The following ZMYND19 variants were observed in gnomAD, a reference collection of about 807,000 sequenced individuals.
The protein encoded by ZMYND19 is zinc finger MYND domain-containing protein 19.
In ZMYND19, 17 loss-of-function variants were observed where a neutral mutation model predicts 32.0. That is an observed-to-expected ratio of 0.53 (90% CI 0.36 to 0.80). The LOEUF is 0.80. ZMYND19 is among the 30% of genes least tolerant of loss of function. ZMYND19 has a pLI of 0.00. For missense variants in ZMYND19, 250 were observed against 293.6 expected (o/e 0.85, Z 1.09); for synonymous variants, 124 against 113.6 (o/e 1.09, Z -0.58).
At position 137,587,053 on chromosome 9, in the gene ZMYND19, A is replaced by G. The variant is rs773014974; in HGVS notation, c.273T>C (p.Ala91=). ...APGFQVVHLN[A]VTVDNRLDNL... ...TGTCCAGGCGATTGTCCACGGTCAC[A>G]GCGTTGAGGTGCACCACCTGGAAGC... Residue 91 remains alanine (A), a synonymous_variant, in exon 4 of 6, where the codon GCT becomes GCC. Coordinates refer to ENST00000298585, the MANE Select transcript of ZMYND19 (RefSeq NM_138462.3). 2 of 1,611,088 alleles carry G rather than the reference A, an allele frequency of 1.2e-6. No homozygotes were observed. The highest frequency in any genetic ancestry group is 1.1e-5 in the South Asian group (1 of 91,090).
intron 5 of ZMYND19, 101 bp downstream of exon 5, chr9:137,582,882 C>T (rs1009452219): frequency 1.3e-6 from 2 of 1,545,766 alleles, no homozygotes; most frequent in African/African-American, 2.7e-5. Flanking sequence ...GCTAAGCGGT[C>T]TCTGGGGAAT....
rs534286372 is a variant in ZMYND19 at position 137,588,217 on chromosome 9, G to C, written c.112-394C>G. 2.6e-5 allele frequency among the ~76,000 whole-genome samples: 4 copies of C among 152,358 alleles called. No individual in the cohort carries two copies. The East Asian group carries it at 7.7e-4, about 29-fold the overall frequency. ...AAGCTCAGCGGCAGGAATGGAAGCTGGGAAGAGGCAGGAAGACCCCATGAG... is the reference window on the plus strand; with the variant it reads ...AAGCTCAGCGGCAGGAATGGAAGCTCGGAAGAGGCAGGAAGACCCCATGAG... On this transcript the variant is annotated intron_variant, in intron 2 of 5. Coordinates refer to ENST00000298585, the MANE Select transcript of ZMYND19 (RefSeq NM_138462.3).
intron 4 of ZMYND19, among the ~76,000 whole-genome samples, chr9:137,586,475 C>T (rs1404491272): frequency 6.9e-6 from 1 of 145,738 alleles, no homozygotes; most frequent in East Asian, 2.0e-4. Context: ...GAAGGAATCC[C>T]GAGGTGAGAG....
At chr9:137,586,193 T>C (rs1842202076) in intron 4 of ZMYND19, among the ~76,000 whole-genome samples, 1 of 152,198 alleles carries the variant, frequency 6.6e-6, no homozygotes. Flanking sequence ...AAACCTTTGC[T>C]TAAGGAAAAC....
chr9:137,583,817 G>A (rs902655855), intron 4 of ZMYND19, among the ~76,000 whole-genome samples: 1 of 152,282 alleles, frequency 6.6e-6, no homozygotes, highest in Non-Finnish European at 1.5e-5. Context: ...ACAGAGGCAA[G>A]TTTCAGACAC....
intron 4 of ZMYND19, among the ~76,000 whole-genome samples, chr9:137,585,536 G>C (rs1002580129): frequency 3.3e-5 from 5 of 151,736 alleles, no homozygotes. Context: ...GAAATAAACA[G>C]AGCAGGGAAA....
In ZMYND19 at chr9:137,582,537, T is replaced by C. The variant is rs764530833; in HGVS notation, c.*6A>G. 4 of 1,611,476 alleles carry C rather than the reference T, an allele frequency of 2.5e-6. No homozygotes were observed. In the East Asian group the frequency reaches 8.9e-5, roughly 36 times the overall value. The stretch of plus-strand genomic sequence containing the variant: ...GGGCTGTGAGTATGTGTGGCTCCCC[T>C]GCCCGTCATCGCTCTGGCTCAAGCT... On this transcript the variant is annotated 3_prime_UTR_variant, in exon 6 of 6. Coordinates refer to ENST00000298585, the MANE Select transcript of ZMYND19 (RefSeq NM_138462.3).
rs1842165701 is a variant in ZMYND19 at position 137,583,074 on chromosome 9, T to C, written c.449A>G (p.Tyr150Cys). Residue 150 changes from tyrosine (Y) to cysteine (C), a missense_variant, in exon 5 of 6, where the codon TAT becomes TGT. By Grantham distance (194) the Tyr-to-Cys change is radical. Coordinates refer to ENST00000298585, the MANE Select transcript of ZMYND19 (RefSeq NM_138462.3). ...QFPVLNVTRY[Y>C]NANGDVVEEE... is the part of the protein sequence containing the mutation. ...TTCCACTACATCCCCGTTGGCATTA[T>C]AATACCGGGTCACATTTAGGACAGG... is the stretch of plus-strand genomic sequence containing the variant. The C allele has an allele frequency of 1.9e-6, 3 of 1,614,208 alleles. No individual in the cohort carries two copies. The highest frequency in any genetic ancestry group is 2.2e-5 in the East Asian group (1 of 44,882).
intron 5 of ZMYND19, 68 bp downstream of exon 5, chr9:137,582,915 G>T: frequency 1.3e-6 from 2 of 1,584,448 alleles, no homozygotes; most frequent in South Asian, 2.3e-5. Context: ...TGGAGGGCAA[G>T]ATCCCAAACC....
At chr9:137,584,775 C>T (rs1396635665) in intron 4 of ZMYND19, among the ~76,000 whole-genome samples, 1 of 152,174 alleles carries the variant, frequency 6.6e-6, no homozygotes. Context: ...CCCCAGACAC[C>T]ACTAGAACAG....
chr9:137,589,440 C>T (rs929833923), intron 1 of ZMYND19: 1 of 985,456 alleles, frequency 1.0e-6, no homozygotes, highest in Non-Finnish European at 1.2e-6. Flanking sequence ...TCCTCTCTCC[C>T]ACCAAAAGCC....
intron 4 of ZMYND19, among the ~76,000 whole-genome samples, chr9:137,586,378 G>A (rs1309350668): frequency 6.6e-6 from 1 of 151,360 alleles, no homozygotes; most frequent in African/African-American, 2.4e-5. Flanking sequence ...GAGGTGAGCA[G>A]AGAAGGAAGG....
At chr9:137,583,242 A>G in intron 4 of ZMYND19, 79 bp from the exon 5 acceptor site, 1 of 1,519,074 alleles carries the variant, frequency 6.6e-7, no homozygotes. Flanking sequence ...ATGACTCCAT[A>G]GAGTGCCATC....
chr9:137,590,387 G>A lies in ZMYND19; in HGVS notation c.-124C>T, dbSNP rs1842259998. ...GAGCCGGGGTCGGGGTAGCAGCCAGGCGGGCTCCGGGCGGGACGAGGCTGG... is the reference window on the plus strand; with the variant it reads ...GAGCCGGGGTCGGGGTAGCAGCCAGACGGGCTCCGGGCGGGACGAGGCTGG... On this transcript the variant is annotated 5_prime_UTR_variant, in exon 1 of 6. Coordinates refer to ENST00000298585, the MANE Select transcript of ZMYND19 (RefSeq NM_138462.3). The surrounding 1 kb of genome is among the most constrained non-coding windows in gnomAD (Gnocchi z 4.2). 1.0e-5 allele frequency: 6 copies of A among 581,456 alleles called. No homozygotes were observed. The highest frequency in any genetic ancestry group is 1.3e-5 in the Non-Finnish European group (6 of 462,048). The allele number at this position is 581,456 out of a possible 1,614,324, so 36.0% of individuals were successfully genotyped here.
intron 4 of ZMYND19, 101 bp downstream of exon 4, chr9:137,586,866 T>C: frequency 6.7e-7 from 1 of 1,496,636 alleles, no homozygotes; most frequent in Non-Finnish European, 9.1e-7. Flanking sequence ...GCATCAGGGC[T>C]CAGAGGAGGA....
intron 4 of ZMYND19, among the ~76,000 whole-genome samples, chr9:137,584,720 G>C (rs1842184742): frequency 6.6e-6 from 1 of 152,192 alleles, no homozygotes; most frequent in African/African-American, 2.4e-5. Context: ...TTTTCATGTA[G>C]AAAAGTGATT....
chr9:137,584,498 T>G (rs558746551), intron 4 of ZMYND19, among the ~76,000 whole-genome samples: 173 of 152,310 alleles, frequency 1.1e-3, no homozygotes, highest in African/African-American at 4.0e-3. Flanking sequence ...GGCCGGACCC[T>G]GAGTCTTGTT....
chr9:137,585,332 A>G (rs1308695402), intron 4 of ZMYND19, among the ~76,000 whole-genome samples: 5 of 150,852 alleles, frequency 3.3e-5, no homozygotes, highest in Non-Finnish European at 7.4e-5. Flanking sequence ...CTGGGGCAGA[A>G]TTGCTTGAAC....
At chr9:137,588,566 G>T in intron 2 of ZMYND19, 93 bp downstream of exon 2, 1 of 1,438,556 alleles carries the variant, frequency 7.0e-7, no homozygotes, top group Non-Finnish European at 9.7e-7. Context: ...GGGGCCGCCT[G>T]CTCTTGCAGC....
Sources: gnomAD v4.1 joint callset for allele counts (sites outside exome capture counted in the v4.1 genomes callset) on GRCh38, gnomAD v4.1.1 for gene constraint, Gnocchi (gnomAD v3.1) non-coding constraint, MANE v1.5 for transcripts, NCBI Gene and HGNC (gene_info 2026-07-23, HGNC 2026-07-21) for gene names.